The following CACNA1D variants were observed in gnomAD, a reference collection of about 807,000 sequenced individuals.
CACNA1D encodes calcium voltage-gated channel subunit alpha1 D.
In CACNA1D, 55 loss-of-function variants were observed where a neutral mutation model predicts 257.1. That is an observed-to-expected ratio of 0.21 (90% confidence interval 0.17 to 0.27). CACNA1D has a LOEUF of 0.27. Among genes scored for constraint, CACNA1D ranks in the 10% least tolerant of loss-of-function variants. The pLI is 1.00. For synonymous variants in CACNA1D, 980 were observed against 1,014.9 expected, an observed-to-expected ratio of 0.97 and a Z score of 0.65; for missense variants, 1,876 against 2,784.0, an observed-to-expected ratio of 0.67 and a Z score of 7.34.
At chr3:53,700,500 T>G (rs1445699562) in intron 8 of CACNA1D, among the ~76,000 whole-genome samples, 2 of 152,212 alleles carry the variant, frequency 1.3e-5, no homozygotes. Flanking sequence ...CAGAGAATCA[T>G]TTGGTGAATT....
At chr3:53,706,219 C>T (rs2108611532) in intron 9 of CACNA1D, among the ~76,000 whole-genome samples, 1 of 152,330 alleles carries the variant, frequency 6.6e-6, no homozygotes, top group South Asian at 2.1e-4. Flanking sequence ...GAGCAGTTTC[C>T]TCCCAGACCT....
chr3:53,741,692 G>T (rs1450113935), intron 21 of CACNA1D, among the ~76,000 whole-genome samples: 35 of 152,174 alleles, frequency 2.3e-4, no homozygotes, highest in Admixed American at 2.3e-3. Flanking sequence ...AATGCACAGT[G>T]GTGGGGGTCG....
intron 3 of CACNA1D, among the ~76,000 whole-genome samples, chr3:53,582,067 G>C (rs2093141564): frequency 6.6e-6 from 1 of 152,044 alleles, no homozygotes; most frequent in African/African-American, 2.4e-5. Context: ...TAATAATCCA[G>C]CCTTGGTGGA....
At chr3:53,760,849 T>C (rs1338167545) in intron 29 of CACNA1D, among the ~76,000 whole-genome samples, 1 of 152,192 alleles carries the variant, frequency 6.6e-6, no homozygotes, top group African/African-American at 2.4e-5. Context: ...TGTCAAGCAC[T>C]GACTGGGTTC....
At chr3:53,697,506 C>T (rs899895467) in intron 8 of CACNA1D, among the ~76,000 whole-genome samples, 3 of 151,684 alleles carry the variant, frequency 2.0e-5, no homozygotes, top group African/African-American at 7.3e-5. Context: ...TATGTAATAG[C>T]ATGAATTTGA....
intron 14 of CACNA1D, among the ~76,000 whole-genome samples, chr3:53,726,261 G>C (rs1164737113): frequency 3.9e-5 from 6 of 152,200 alleles, no homozygotes; most frequent in Admixed American, 3.9e-4. Context: ...GTTTAAATCT[G>C]TAGTTGAAGG....
intron 19 of CACNA1D, 62 bp downstream of exon 19, chr3:53,733,024 G>C: frequency 1.3e-6 from 2 of 1,573,966 alleles, no homozygotes; most frequent in Non-Finnish European, 1.7e-6. Flanking sequence ...CAGGTTGCTT[G>C]AGGGTGGCTC....
chr3:53,560,419 C>T (rs1294790381), intron 3 of CACNA1D, among the ~76,000 whole-genome samples: 1 of 152,134 alleles, frequency 6.6e-6, no homozygotes, highest in Non-Finnish European at 1.5e-5. Context: ...TCAAATCCTG[C>T]ATAGAGTGGG....
At chr3:53,728,366 T>C (rs1324802126) in intron 15 of CACNA1D, among the ~76,000 whole-genome samples, 2 of 152,202 alleles carry the variant, frequency 1.3e-5, no homozygotes, top group Non-Finnish European at 1.5e-5. Flanking sequence ...CTAAAACTCC[T>C]GACCTCAGGT....
intron 3 of CACNA1D, among the ~76,000 whole-genome samples, chr3:53,531,018 ATTT>A (rs11328561): frequency 5.0e-5 from 6 of 118,862 alleles, no homozygotes; most frequent in Admixed American, 1.7e-4. Context: ...GCTAATTTTA[ATTT>A]TTTTTTTTTT....
At chr3:53,644,077 G>C (rs890221077) in intron 3 of CACNA1D, among the ~76,000 whole-genome samples, 2 of 152,164 alleles carry the variant, frequency 1.3e-5, no homozygotes, top group Non-Finnish European at 2.9e-5. Context: ...TATAAATGCG[G>C]AATATCTATT....
intron 9 of CACNA1D, among the ~76,000 whole-genome samples, chr3:53,707,166 C>T (rs1431836469): frequency 6.6e-6 from 1 of 151,972 alleles, no homozygotes; most frequent in African/African-American, 2.4e-5. Flanking sequence ...CTCTGATCTG[C>T]TAAATGTCAC....
intron 36 of CACNA1D, 44 bp from the exon 37 acceptor site, chr3:53,776,816 C>T (rs1157910639): frequency 1.2e-6 from 2 of 1,612,262 alleles, no homozygotes; most frequent in Non-Finnish European, 1.7e-6. Flanking sequence ...AAGTTCGGGC[C>T]AGCTGGTACT....
chr3:53,666,222 C>A, intron 6 of CACNA1D, 117 bp from the exon 7 acceptor site: 4 of 921,958 alleles, frequency 4.3e-6, no homozygotes, highest in Middle Eastern at 3.2e-4. Flanking sequence ...GATCCTGAGG[C>A]AACGCAGATG....
intron 40 of CACNA1D, among the ~76,000 whole-genome samples, chr3:53,790,636 C>T (rs183613294): frequency 3.9e-5 from 6 of 152,192 alleles, no homozygotes; most frequent in Non-Finnish European, 5.9e-5. Context: ...GTGCCCGAGC[C>T]GCCAGTTGGC....
chr3:53,693,675 T>G (rs1347421806), intron 8 of CACNA1D, among the ~76,000 whole-genome samples: 1 of 152,212 alleles, frequency 6.6e-6, no homozygotes, highest in Non-Finnish European at 1.5e-5. Context: ...CTTCTTCAAC[T>G]TCCCCCTTCT....
chr3:53,602,772 C>T (rs2093460423), intron 3 of CACNA1D, among the ~76,000 whole-genome samples: 1 of 152,176 alleles, frequency 6.6e-6, no homozygotes, highest in Middle Eastern at 3.2e-3. Flanking sequence ...CTATACAGAT[C>T]TTTTGCCCAT....
chr3:53,678,504 C>T (rs1389921496), intron 8 of CACNA1D, among the ~76,000 whole-genome samples: 1 of 152,060 alleles, frequency 6.6e-6, no homozygotes, highest in Admixed American at 6.6e-5. Flanking sequence ...TTACTATAGG[C>T]CTATTTATCT....
At chr3:53,669,118 A>C (rs2094298013) in intron 7 of CACNA1D, among the ~76,000 whole-genome samples, 1 of 152,202 alleles carries the variant, frequency 6.6e-6, no homozygotes, top group Non-Finnish European at 1.5e-5. Context: ...GTTCTCTAAG[A>C]TTTTACTCTC....
Sources: gnomAD v4.1 joint callset for allele counts (sites outside exome capture counted in the v4.1 genomes callset) on GRCh38, gnomAD v4.1.1 for gene constraint, MANE v1.5 for transcripts, NCBI Gene and HGNC (gene_info 2026-07-23, HGNC 2026-07-21) for gene names.